Variants in SLC30A8 observed in about 807,000 individuals in gnomAD.
The protein encoded by SLC30A8 is proton-coupled zinc antiporter SLC30A8.
Under a neutral mutation model 36.9 loss-of-function variants are expected in SLC30A8, and 27 were observed. That is an observed-to-expected ratio of 0.73 (90% confidence interval 0.54 to 1.01). SLC30A8 has a LOEUF of 1.01. SLC30A8 is among the 50% of genes least tolerant of loss of function. The probability of loss-of-function intolerance (pLI) is 0.00; values close to 1 mark genes in which losing one functional copy is unlikely to be tolerated. For missense variants in SLC30A8, 439 were observed against 452.0 expected (o/e 0.97, Z 0.26); for synonymous variants, 164 against 172.4 (o/e 0.95, Z 0.38).
intron 2 of SLC30A8, among the ~76,000 whole-genome samples, chr8:117,050,110 A>G (rs1817664379): frequency 6.6e-6 from 1 of 152,078 alleles, no homozygotes; most frequent in Non-Finnish European, 1.5e-5. Context: ...ATTACTTTTT[A>G]TTACACTCTC....
At chr8:116,999,727 A>C (rs1479382204) in intron 1 of SLC30A8, among the ~76,000 whole-genome samples, 1 of 152,138 alleles carries the variant, frequency 6.6e-6, no homozygotes, top group Non-Finnish European at 1.5e-5. Context: ...TCACACCATA[A>C]ATTCTTTGAT....
intron 1 of SLC30A8, among the ~76,000 whole-genome samples, chr8:116,960,004 C>T (rs1162095733): frequency 6.6e-6 from 1 of 152,242 alleles, no homozygotes; most frequent in Admixed American, 6.5e-5. Flanking sequence ...GAGAGCTTGT[C>T]AGGCTACTCC....
chr8:117,094,227 C>T (rs550012472), intron 2 of SLC30A8, among the ~76,000 whole-genome samples: 1 of 152,348 alleles, frequency 6.6e-6, no homozygotes, highest in South Asian at 2.1e-4. Context: ...GTTTGTGTTA[C>T]AGCTCTTTTA....
At chr8:116,974,702 A>T (rs1814920259) in intron 1 of SLC30A8, among the ~76,000 whole-genome samples, 1 of 152,108 alleles carries the variant, frequency 6.6e-6, no homozygotes, top group African/African-American at 2.4e-5. Context: ...TACCCAAAGG[A>T]TTATAAATCA....
intron 1 of SLC30A8, among the ~76,000 whole-genome samples, chr8:117,010,242 A>G (rs1816302625): frequency 6.6e-6 from 1 of 152,188 alleles, no homozygotes; most frequent in Admixed American, 6.6e-5. Flanking sequence ...ACCACTTCTT[A>G]TCAATGGGGC....
intron 1 of SLC30A8, among the ~76,000 whole-genome samples, chr8:117,031,663 C>T (rs1449304441): frequency 6.6e-6 from 1 of 152,018 alleles, no homozygotes; most frequent in Non-Finnish European, 1.5e-5. Context: ...AAGGTTTCAC[C>T]ATGTTGGTTA....
chr8:117,004,889 T>G (rs1816122152), intron 1 of SLC30A8, among the ~76,000 whole-genome samples: 2 of 152,138 alleles, frequency 1.3e-5, no homozygotes, highest in African/African-American at 4.8e-5. Context: ...AAGAGCATTT[T>G]TTGCAAAAAT....
At chr8:117,155,146 T>C (rs374000945) in intron 3 of SLC30A8, among the ~76,000 whole-genome samples, 2 of 152,296 alleles carry the variant, frequency 1.3e-5, no homozygotes, top group African/African-American at 4.8e-5. Flanking sequence ...AAGCAATCAT[T>C]GTAACATTTA....
rs376351189 is a variant in SLC30A8 at position 117,153,094 on chromosome 8, C to T, written c.418+4C>T. The T allele has an allele frequency of 3.7e-5, 59 of 1,601,976 alleles. No homozygotes were observed. The highest frequency in any genetic ancestry group is 1.6e-4 in the African/African-American group (12 of 74,652). ...ACATTTGGATGGCACCGAGCAGGTA[C>T]GGTTCATAGAGTGAGCAATAACAGC... is the stretch of plus-strand genomic sequence containing the variant. On this transcript the variant is annotated splice_donor_region_variant and intron_variant, in intron 3 of 7. Transcript: ENST00000456015.
intron 1 of SLC30A8, among the ~76,000 whole-genome samples, chr8:116,953,830 G>A (rs1171310656): frequency 6.6e-6 from 1 of 151,848 alleles, no homozygotes; most frequent in Non-Finnish European, 1.5e-5. Flanking sequence ...TTTCTTTCTG[G>A]AATAGAGTTC....
At chr8:117,104,822 T>C (rs775687249) in intron 2 of SLC30A8, among the ~76,000 whole-genome samples, 37 of 152,298 alleles carry the variant, frequency 2.4e-4, no homozygotes, top group Middle Eastern at 6.8e-3. Flanking sequence ...CTAAACAATG[T>C]GTGGACTCCT....
intron 1 of SLC30A8, among the ~76,000 whole-genome samples, chr8:117,035,080 A>G (rs977603848): frequency 2.0e-5 from 3 of 152,134 alleles, no homozygotes; most frequent in African/African-American, 4.8e-5. Flanking sequence ...GCCAAATGAT[A>G]TCATTCCACC....
chr8:117,012,265 T>C (rs1816367632), intron 1 of SLC30A8, among the ~76,000 whole-genome samples: 1 of 152,202 alleles, frequency 6.6e-6, no homozygotes. Flanking sequence ...TTATTTTTAA[T>C]GTGTACATTT....
At chr8:117,088,121 G>C (rs144074373) in intron 2 of SLC30A8, among the ~76,000 whole-genome samples, 273 of 152,194 alleles carry the variant, frequency 1.8e-3, no homozygotes, top group Non-Finnish European at 2.6e-3. Context: ...CAAACAGAGA[G>C]AATGCATAAG....
At chr8:117,017,861 G>C (rs1816568160) in intron 1 of SLC30A8, 1 of 152,168 alleles carries the variant, frequency 6.6e-6, no homozygotes, top group Non-Finnish European at 1.5e-5. Flanking sequence ...AAGTTATCTA[G>C]ACTCGTCCTG....
intron 2 of SLC30A8, among the ~76,000 whole-genome samples, chr8:117,044,554 G>T (rs1230545674): frequency 6.6e-6 from 1 of 152,194 alleles, no homozygotes; most frequent in Non-Finnish European, 1.5e-5. Context: ...CTTCCCTAAG[G>T]CGTGTCAGCG....
At chr8:116,997,308 C>G (rs1815855044) in intron 1 of SLC30A8, among the ~76,000 whole-genome samples, 1 of 152,118 alleles carries the variant, frequency 6.6e-6, no homozygotes, top group South Asian at 2.1e-4. Flanking sequence ...AAAATGTAAT[C>G]TATAATTCAT....
At chr8:117,134,753 T>C (rs1821280414), upstream of SLC30A8, 1 of 152,040 alleles carries the variant, frequency 6.6e-6, no homozygotes, top group Non-Finnish European at 1.5e-5. Context: ...TATTGACCCT[T>C]GTCCTCCCTT....
chr8:117,036,602 G>A (rs1817221008), intron 1 of SLC30A8, among the ~76,000 whole-genome samples: 2 of 152,118 alleles, frequency 1.3e-5, no homozygotes, highest in South Asian at 4.1e-4. Context: ...CGTCTTACAT[G>A]GCGACAGGCA....
Sources: gnomAD v4.1 joint callset for allele counts (sites outside exome capture counted in the v4.1 genomes callset) on GRCh38, gnomAD v4.1.1 for gene constraint, MANE v1.5 for transcripts, NCBI Gene and HGNC (gene_info 2026-07-23, HGNC 2026-07-21) for gene names.